Variants in LGR5 observed in about 807,000 individuals in gnomAD.
The protein encoded by LGR5 is leucine-rich repeat-containing G protein-coupled receptor 5.
A neutral mutation model predicts 76.7 loss-of-function variants in LGR5; 54 were observed. The observed-to-expected ratio is 0.70, with a 90% CI of 0.57 to 0.88. The LOEUF is 0.88. Among genes scored for constraint, LGR5 ranks in the 40% least tolerant of loss-of-function variants. The pLI is 0.00. For missense variants in LGR5, 1,078 were observed against 1,073.3 expected (o/e 1.00, Z -0.06); for synonymous variants, 406 against 421.9 (o/e 0.96, Z 0.46).
At chr12:71,448,088 C>A (rs908356423) in intron 1 of LGR5, among the ~76,000 whole-genome samples, 2 of 148,206 alleles carry the variant, frequency 1.3e-5, no homozygotes, top group African/African-American at 5.0e-5. Flanking sequence ...CACACAAACA[C>A]ACACACACAC....
chr12:71,502,146 T>C (rs554985608), intron 1 of LGR5, among the ~76,000 whole-genome samples: 2 of 151,734 alleles, frequency 1.3e-5, no homozygotes, highest in East Asian at 1.9e-4. Flanking sequence ...ATATGTCAGG[T>C]AGCACAGTAA....
intron 1 of LGR5, among the ~76,000 whole-genome samples, chr12:71,497,651 A>G (rs866374068): frequency 6.6e-6 from 1 of 152,226 alleles, no homozygotes; most frequent in Non-Finnish European, 1.5e-5. Context: ...TCGATTAAAA[A>G]GTGCTGGAAT....
At chr12:71,576,408 G>C (rs537786845) in intron 13 of LGR5, among the ~76,000 whole-genome samples, 1 of 152,286 alleles carries the variant, frequency 6.6e-6, no homozygotes, top group African/African-American at 2.4e-5. Flanking sequence ...TAAGCATGGA[G>C]AAGTGTTGCA....
intron 2 of LGR5, among the ~76,000 whole-genome samples, chr12:71,518,065 A>G (rs971786775): frequency 6.6e-6 from 1 of 152,146 alleles, no homozygotes; most frequent in Non-Finnish European, 1.5e-5. Flanking sequence ...CCCCTGGTCT[A>G]TTCTCCCCTT....
intron 1 of LGR5, among the ~76,000 whole-genome samples, chr12:71,467,706 G>A (rs1565665490): frequency 6.6e-6 from 1 of 152,200 alleles, no homozygotes; most frequent in Admixed American, 6.5e-5. Flanking sequence ...GATTTGGCAG[G>A]TTGCATGCAA....
At chr12:71,502,524 T>C (rs1261947087) in intron 1 of LGR5, among the ~76,000 whole-genome samples, 4 of 152,190 alleles carry the variant, frequency 2.6e-5, no homozygotes, top group African/African-American at 4.8e-5. Context: ...AAGAAAAGAA[T>C]TAAGTCACTC....
chr12:71,489,287 A>C (rs565113553), intron 1 of LGR5, among the ~76,000 whole-genome samples: 3 of 152,302 alleles, frequency 2.0e-5, no homozygotes, highest in South Asian at 2.1e-4. Flanking sequence ...TATCCATACA[A>C]TGATGAGTAA....
At chr12:71,572,370 C>T (rs1469761125) in intron 12 of LGR5, among the ~76,000 whole-genome samples, 1 of 152,224 alleles carries the variant, frequency 6.6e-6, no homozygotes, top group Non-Finnish European at 1.5e-5. Context: ...GCGTGAGCCA[C>T]CGCGCCCGGC....
chr12:71,450,033 C>A (rs1477750011), intron 1 of LGR5, among the ~76,000 whole-genome samples: 2 of 152,124 alleles, frequency 1.3e-5, no homozygotes, highest in African/African-American at 4.8e-5. Flanking sequence ...ATGGGAAGAA[C>A]CTTGGAATTT....
chr12:71,484,121 A>G (rs1259615468), intron 1 of LGR5, among the ~76,000 whole-genome samples: 1 of 152,220 alleles, frequency 6.6e-6, no homozygotes, highest in East Asian at 1.9e-4. Context: ...TCAAGGCTAG[A>G]AATTGTTCAT....
chr12:71,440,015 C>G lies in LGR5; in HGVS notation c.-66C>G. Reference sequence around the variant, plus strand: ...CCACGGAGCGGCGCCCGGCGCGCCACGGCCCGTAGCAGTCCGGTGCTGCTC... The same window carrying G: ...CCACGGAGCGGCGCCCGGCGCGCCAGGGCCCGTAGCAGTCCGGTGCTGCTC... On this transcript the variant is annotated 5_prime_UTR_variant, in exon 1 of 18. Transcript: ENST00000266674. This position sits in a 1 kb window ranked among gnomAD's most constrained non-coding sequence, Gnocchi z 5.3. The G allele has an allele frequency of 1.3e-6, 2 of 1,499,658 alleles. No homozygotes were observed. The highest frequency in any genetic ancestry group is 1.8e-6 in the Non-Finnish European group (2 of 1,099,506). 92.9% of individuals were successfully genotyped at this position (1,499,658 alleles called of 1,614,324 possible).
rs115714167 is a variant in LGR5 at position 71,439,893 on chromosome 12, G to A, written c.-188G>A. ...TCCGAAGGCCGGCGTGGCGGCAACC[G>A]GCACCTCTGTCCCCGCCGCGCTTCT... is the stretch of plus-strand genomic sequence containing the variant. On this transcript the variant is annotated 5_prime_UTR_variant, in exon 1 of 18. Transcript: ENST00000266674. 4,666 of 551,498 alleles carry A rather than the reference G, an allele frequency of 8.5e-3. 180 individuals carry two copies. In the African/African-American group the frequency reaches 0.087, roughly 10 times the overall value. 34.2% of individuals were successfully genotyped at this position (551,498 alleles called of 1,614,324 possible). A position where few individuals can be genotyped will look rare whatever the true frequency, so the allele number is the denominator to read the frequency against.
intron 1 of LGR5, among the ~76,000 whole-genome samples, chr12:71,444,357 T>C (rs1871893520): frequency 1.3e-5 from 2 of 152,182 alleles, no homozygotes; most frequent in South Asian, 2.1e-4. Context: ...TTCCTGGGGA[T>C]TTTTTCCATA....
At chr12:71,466,376 T>C (rs1872863772) in intron 1 of LGR5, among the ~76,000 whole-genome samples, 1 of 152,216 alleles carries the variant, frequency 6.6e-6, no homozygotes, top group East Asian at 1.9e-4. Context: ...AAGGTGCTCT[T>C]ACTAAACTGA....
intron 1 of LGR5, among the ~76,000 whole-genome samples, chr12:71,454,776 AACACACACACACAC>A (rs35219754): frequency 3.4e-5 from 5 of 146,944 alleles, no homozygotes; most frequent in Admixed American, 6.8e-5. Flanking sequence ...CATAGACACA[AACACACACACACAC>A]ACACACACAC....
chr12:71,509,881 T>G (rs1219895042), intron 2 of LGR5, among the ~76,000 whole-genome samples: 3 of 152,198 alleles, frequency 2.0e-5, no homozygotes, highest in Non-Finnish European at 4.4e-5. Context: ...TTGCTCATAT[T>G]ATGGTTGGAC....
chr12:71,532,140 TATC>T (rs1876349668), intron 3 of LGR5, among the ~76,000 whole-genome samples: 1 of 152,210 alleles, frequency 6.6e-6, no homozygotes. Flanking sequence ...TTAATTCTAT[TATC>T]TTTATCTTAT....
At chr12:71,546,317 A>AAT (rs57093154) in intron 4 of LGR5, among the ~76,000 whole-genome samples, 54,578 of 148,434 alleles carry the variant, frequency 0.37, 10,889 homozygotes, top group East Asian at 0.83. Context: ...TCAGTCTCAA[A>AAT]ATATATATAT....
At chr12:71,487,557 G>C (rs1166580172) in intron 1 of LGR5, among the ~76,000 whole-genome samples, 3 of 152,054 alleles carry the variant, frequency 2.0e-5, no homozygotes, top group Non-Finnish European at 4.4e-5. Context: ...TGGAGCTATA[G>C]GCCCATGCCA....
Sources: allele counts gnomAD v4.1 joint callset (sites outside exome capture counted in the v4.1 genomes callset), GRCh38; gene constraint gnomAD v4.1.1; non-coding constraint Gnocchi (gnomAD v3.1); transcripts MANE v1.5; gene names NCBI Gene and HGNC (gene_info 2026-07-23, HGNC 2026-07-21).